Variants in TXNL4A observed in about 807,000 individuals in gnomAD.
TXNL4A encodes the protein thioredoxin-like protein 4A.
A neutral mutation model predicts 14.6 loss-of-function variants in TXNL4A; 17 were observed. The observed-to-expected ratio is 1.16, with a 90% CI of 0.80 to 1.74. The LOEUF is 1.74. Ranked by LOEUF, TXNL4A falls within the 40% of genes most tolerant of loss-of-function variation. The pLI is 0.00. For synonymous variants in TXNL4A, 83 were observed against 70.6 expected (o/e 1.18, Z -0.88); for missense variants, 74 against 195.2 (o/e 0.38, Z 3.70).
intron 1 of TXNL4A, among the ~76,000 whole-genome samples, chr18:80,018,817 G>A (rs1474528987): frequency 5.3e-5 from 8 of 152,214 alleles, no homozygotes; most frequent in South Asian, 4.2e-4. Context: ...AATTTCTTCT[G>A]CCAGATACCC....
intron 1 of TXNL4A, among the ~76,000 whole-genome samples, chr18:80,022,547 T>C (rs1433345286): frequency 2.0e-5 from 3 of 152,208 alleles, no homozygotes; most frequent in Non-Finnish European, 2.9e-5. Context: ...AAGATGGTAA[T>C]AAGGCCACGC....
Position 79,975,224 on chromosome 18 carries a change from A to T in TXNL4A, c.258-1368T>A, listed in dbSNP as rs556210416. Among the ~76,000 whole-genome samples, 5 of 152,340 alleles carry T rather than the reference A, an allele frequency of 3.3e-5. No homozygotes were observed. In the South Asian group the frequency reaches 1.0e-3, roughly 32 times the overall value. On this transcript the variant is annotated intron_variant, in intron 2 of 2. Coordinates refer to ENST00000269601, the MANE Select transcript of TXNL4A (RefSeq NM_006701.5). ...CCTGCTAATTTACTCAGCTGTTTCTATCAGACAACGTCCTATGAGAGTGGG... is the reference window on the plus strand; with the variant it reads ...CCTGCTAATTTACTCAGCTGTTTCTTTCAGACAACGTCCTATGAGAGTGGG...
At chr18:80,000,561 C>T (rs922877587) in intron 1 of TXNL4A, among the ~76,000 whole-genome samples, 7 of 152,132 alleles carry the variant, frequency 4.6e-5, no homozygotes, top group Admixed American at 1.3e-4. Context: ...TGCAGTCTGA[C>T]GATGAGATAG....
intron 1 of TXNL4A, among the ~76,000 whole-genome samples, chr18:80,003,721 T>C (rs11662803): frequency 0.25 from 37,483 of 152,128 alleles, 5,890 homozygotes; most frequent in Non-Finnish European, 0.36. Flanking sequence ...CACCTGAGAA[T>C]AGGTAATTCA....
intron 1 of TXNL4A, among the ~76,000 whole-genome samples, chr18:79,997,483 A>G (rs1489547925): frequency 1.3e-5 from 2 of 151,842 alleles, no homozygotes; most frequent in African/African-American, 4.8e-5. Context: ...ATAATCCCCA[A>G]CCCACATATC....
intron 1 of TXNL4A, among the ~76,000 whole-genome samples, chr18:80,000,534 T>C (rs1471823608): frequency 6.6e-6 from 1 of 152,208 alleles, no homozygotes; most frequent in Admixed American, 6.5e-5. Flanking sequence ...GGAAACAGCA[T>C]AAAAGTTTAG....
intron 1 of TXNL4A, among the ~76,000 whole-genome samples, chr18:79,981,948 T>C (rs1425649421): frequency 7.9e-6 from 1 of 127,206 alleles, no homozygotes; most frequent in African/African-American, 2.5e-5. Flanking sequence ...TAAATAGATG[T>C]CGCCGATGTT....
At chr18:80,010,032 T>C (rs2051759653) in intron 1 of TXNL4A, among the ~76,000 whole-genome samples, 1 of 152,176 alleles carries the variant, frequency 6.6e-6, no homozygotes, top group African/African-American at 2.4e-5. Context: ...TTCTGTCTGT[T>C]TGGGAGATGG....
chr18:80,014,869 ATCT>A, intron 1 of TXNL4A, among the ~76,000 whole-genome samples: 1 of 152,268 alleles, frequency 6.6e-6, no homozygotes, highest in East Asian at 1.9e-4. Context: ...ATTTCCATAC[ATCT>A]TCTGAAATCT....
chr18:79,977,565 T>C, intron 2 of TXNL4A, 33 bp downstream of exon 2: 1 of 1,474,178 alleles, frequency 6.8e-7, no homozygotes, highest in Non-Finnish European at 9.4e-7. Flanking sequence ...ACTGACAATA[T>C]TCAATTTCAG....
At chr18:80,008,586 G>A (rs1447017997) in intron 1 of TXNL4A, among the ~76,000 whole-genome samples, 1 of 151,548 alleles carries the variant, frequency 6.6e-6, no homozygotes, top group East Asian at 1.9e-4. Flanking sequence ...CCCCCTTCCT[G>A]TCTTCTCCAC....
rs116216086 is a variant in TXNL4A at position 79,973,348 on chromosome 18, C to T, written c.*337G>A. ...CACATCTCTGTTAAAGCCCAGCTCG[C>T]GGCATATGCTGTCACCGCAGCCCCA... On this transcript the variant is annotated 3_prime_UTR_variant, in exon 3 of 3. Transcript: ENST00000269601. 1,353 of 215,112 alleles carry T rather than the reference C, an allele frequency of 6.3e-3. 19 individuals are homozygous for T. Among genetic ancestry groups the T allele is most frequent in the African/African-American group, 0.025 (1,105 of 43,738 alleles). The allele number at this position is 215,112 out of a possible 1,614,324, so 13.3% of individuals were successfully genotyped here. A position where few individuals can be genotyped will look rare whatever the true frequency, so the allele number is the denominator to read the frequency against.
chr18:80,020,990 T>C (rs1012231424), intron 1 of TXNL4A, among the ~76,000 whole-genome samples: 1 of 152,180 alleles, frequency 6.6e-6, no homozygotes, highest in African/African-American at 2.4e-5. Context: ...TAAAGAGCGT[T>C]AGTGCCTTCT....
chr18:79,985,313 T>C (rs900668796), intron 1 of TXNL4A, among the ~76,000 whole-genome samples: 7 of 152,154 alleles, frequency 4.6e-5, no homozygotes, highest in African/African-American at 1.7e-4. Flanking sequence ...TGGCATGCAG[T>C]GGCGCGATCA....
intron 1 of TXNL4A, among the ~76,000 whole-genome samples, chr18:80,031,393 G>C (rs1212405938): frequency 2.6e-5 from 4 of 152,216 alleles, no homozygotes. Flanking sequence ...ACTAACTTAT[G>C]GCTGTGGTCA....
Position 79,977,687 on chromosome 18 carries a change from T to C in TXNL4A, c.168A>G (p.Ala56=), listed in dbSNP as rs762744869. 6.9e-6 allele frequency: 11 copies of C among 1,600,224 alleles called. No individual in the cohort carries two copies. In the Admixed American group the frequency reaches 1.4e-4, roughly 20 times the overall value. ...CTGTAATATCCACAAGATAAATAAC[T>C]GCAAAATTTTTAACCTAAAAGGAGA... The part of the protein sequence containing the change: ...YSIAEKVKNF[A]VIYLVDITEV... Residue 56 remains alanine, a synonymous_variant, in exon 2 of 3, where the codon GCA becomes GCG. Coordinates refer to ENST00000269601, the MANE Select transcript of TXNL4A (RefSeq NM_006701.5).
At chr18:79,986,774 T>C in intron 1 of TXNL4A, 1 of 985,444 alleles carries the variant, frequency 1.0e-6, no homozygotes, top group African/African-American at 1.7e-5. Context: ...CAGTGAAAGA[T>C]TCTAGAATTC....
intron 1 of TXNL4A, among the ~76,000 whole-genome samples, chr18:80,017,627 GTT>G (rs2051820923): frequency 6.6e-6 from 1 of 152,002 alleles, no homozygotes; most frequent in Non-Finnish European, 1.5e-5. Flanking sequence ...TAATCATGTG[GTT>G]TTTGTCTTTG....
At chr18:80,006,505 G>A (rs1045011619) in intron 1 of TXNL4A, among the ~76,000 whole-genome samples, 1 of 152,204 alleles carries the variant, frequency 6.6e-6, no homozygotes, top group Non-Finnish European at 1.5e-5. Context: ...CCTTAAGGCT[G>A]GAGCTTAGGG....
Sources: allele counts gnomAD v4.1 joint callset (sites outside exome capture counted in the v4.1 genomes callset), GRCh38; gene constraint gnomAD v4.1.1; transcripts MANE v1.5; gene names NCBI Gene and HGNC (gene_info 2026-07-23, HGNC 2026-07-21).